Variants in GRIA3 observed in about 807,000 individuals in gnomAD.
GRIA3 encodes the protein glutamate receptor 3.
A neutral mutation model predicts 63.0 loss-of-function variants in GRIA3; 3 were observed. The ratio of observed to expected loss-of-function variants is 0.05; its 90% CI spans 0.02 to 0.12. The LOEUF (loss-of-function observed/expected upper bound fraction) is 0.12, where lower values mean the gene tolerates loss of function less well. Ranked by LOEUF, GRIA3 falls within the 10% of genes least tolerant of loss-of-function variation. The pLI is 1.00. For missense variants in GRIA3, 347 were observed against 700.9 expected, an observed-to-expected ratio of 0.50 and a Z score of 5.70; for synonymous variants, 274 against 257.9, an observed-to-expected ratio of 1.06 and a Z score of -0.60.
At chrX:123,254,501 C>G (rs184345064) in intron 3 of GRIA3, among the ~76,000 whole-genome samples, 80 of 111,020 alleles carry the variant, frequency 7.2e-4, no homozygotes, top group African/African-American at 2.5e-3. Context: ...GGGTGGTTCT[C>G]TCTAACTCAG....
At chrX:123,433,349 C>G (rs2045628897) in intron 12 of GRIA3, among the ~76,000 whole-genome samples, 1 of 111,839 alleles carries the variant, frequency 8.9e-6, no homozygotes, top group Admixed American at 9.5e-5. Flanking sequence ...AGAGTATTTG[C>G]CAAAGAGAGA....
intron 2 of GRIA3, among the ~76,000 whole-genome samples, chrX:123,196,674 C>T (rs1927584488): frequency 9.0e-6 from 1 of 111,385 alleles, no homozygotes. Context: ...TTACTAGATG[C>T]TTATGTTTTC....
intron 4 of GRIA3, 39 bp downstream of exon 4, chrX:123,326,252 A>G (rs1217237847): frequency 9.2e-7 from 1 of 1,084,491 alleles, no homozygotes; most frequent in Non-Finnish European, 1.3e-6. Context: ...CCAACATGTT[A>G]AATTATCAAC....
chrX:123,436,646 G>C (rs748908883), intron 12 of GRIA3, among the ~76,000 whole-genome samples: 1 of 111,943 alleles, frequency 8.9e-6, no homozygotes, highest in African/African-American at 3.2e-5. Flanking sequence ...TTATGAGAGC[G>C]TTTCACAGCC....
At chrX:123,185,535 G>T (rs1434512393) in intron 1 of GRIA3, among the ~76,000 whole-genome samples, 1 of 107,934 alleles carries the variant, frequency 9.3e-6, no homozygotes, top group Non-Finnish European at 1.9e-5. Context: ...AAAAAAAGAA[G>T]GCTGCCGACT....
intron 12 of GRIA3, among the ~76,000 whole-genome samples, chrX:123,430,981 C>A (rs1189919026): frequency 9.5e-6 from 1 of 104,859 alleles, no homozygotes; most frequent in Non-Finnish European, 2.0e-5. Context: ...GACTCTGTCT[C>A]AAAAACAAAA....
intron 5 of GRIA3, among the ~76,000 whole-genome samples, chrX:123,363,508 C>T (rs2147355949): frequency 8.9e-6 from 1 of 112,469 alleles, no homozygotes; most frequent in Admixed American, 9.4e-5. Context: ...TCATTTGGAT[C>T]TTTGGAAGAC....
intron 11 of GRIA3, among the ~76,000 whole-genome samples, chrX:123,419,859 A>G (rs752919037): frequency 1.8e-5 from 2 of 111,373 alleles, no homozygotes; most frequent in East Asian, 5.6e-4. Context: ...GGTGATAAAA[A>G]TGCTCTAAAA....
chrX:123,360,220 G>A (rs2045160126), intron 5 of GRIA3, among the ~76,000 whole-genome samples: 1 of 110,391 alleles, frequency 9.1e-6, no homozygotes, highest in Non-Finnish European at 1.9e-5. Flanking sequence ...TCTTAGTAGA[G>A]CACCTCGCTC....
At chrX:123,484,760 G>A (rs1398252739) in intron 15 of GRIA3, among the ~76,000 whole-genome samples, 2 of 112,870 alleles carry the variant, frequency 1.8e-5, no homozygotes, top group African/African-American at 6.4e-5. Context: ...TGGGATTACA[G>A]GCGTGAGCCA....
intron 5 of GRIA3, among the ~76,000 whole-genome samples, chrX:123,379,890 G>A (rs1317996525): frequency 6.8e-5 from 7 of 102,479 alleles, no homozygotes; most frequent in Non-Finnish European, 7.8e-5. Flanking sequence ...GAGAATATGC[G>A]GTGTTTGGTT....
At chrX:123,477,049 G>T (rs1199908362) in intron 13 of GRIA3, among the ~76,000 whole-genome samples, 1 of 111,880 alleles carries the variant, frequency 8.9e-6, no homozygotes, top group Non-Finnish European at 1.9e-5. Context: ...ATAAGCCATT[G>T]TTCAGAAGTA....
intron 10 of GRIA3, among the ~76,000 whole-genome samples, chrX:123,408,186 A>G (rs953921474): frequency 4.5e-5 from 5 of 110,928 alleles, no homozygotes; most frequent in African/African-American, 1.6e-4. Flanking sequence ...GGTTGGTCTC[A>G]AACTCCTGAC....
intron 3 of GRIA3, among the ~76,000 whole-genome samples, chrX:123,264,463 A>G (rs913545480): frequency 1.8e-5 from 2 of 111,099 alleles, no homozygotes; most frequent in Non-Finnish European, 3.8e-5. Flanking sequence ...AGGGGGCCCA[A>G]TAGAGTCAGG....
intron 4 of GRIA3, among the ~76,000 whole-genome samples, chrX:123,350,502 C>A (rs1055422070): frequency 8.9e-6 from 1 of 111,964 alleles, no homozygotes; most frequent in African/African-American, 3.2e-5. Flanking sequence ...TCTTGTGGAG[C>A]AATTTCATTT....
At chrX:123,289,311 A>C (rs2213496) in intron 3 of GRIA3, among the ~76,000 whole-genome samples, 17,186 of 109,343 alleles carry the variant, frequency 0.16, 2,210 homozygotes, top group African/African-American at 0.41. Context: ...GGAGAAATAC[A>C]TAATGTAGAT....
At chrX:123,338,898 T>C (rs375912317) in intron 4 of GRIA3, among the ~76,000 whole-genome samples, 1 of 112,531 alleles carries the variant, frequency 8.9e-6, no homozygotes, top group East Asian at 2.8e-4. Flanking sequence ...AATAATGGTC[T>C]AGGTACTGGA....
chrX:123,440,119 C>T (rs1306105006), intron 12 of GRIA3, among the ~76,000 whole-genome samples: 1 of 112,402 alleles, frequency 8.9e-6, no homozygotes, highest in Admixed American at 9.4e-5. Flanking sequence ...CCACAAAAGA[C>T]ATGATCTCGT....
intron 3 of GRIA3, among the ~76,000 whole-genome samples, chrX:123,263,207 A>C (rs1041567798): frequency 1.8e-5 from 2 of 112,204 alleles, no homozygotes; most frequent in Non-Finnish European, 3.8e-5. Context: ...AAGTGCATGC[A>C]AGCAAGGAGG....
Sources: allele counts gnomAD v4.1 joint callset (sites outside exome capture counted in the v4.1 genomes callset), GRCh38; gene constraint gnomAD v4.1.1; transcripts MANE v1.5; gene names NCBI Gene and HGNC (gene_info 2026-07-23, HGNC 2026-07-21).